RNF43: variants seen among roughly 807,000 people sequenced by gnomAD.
The protein encoded by RNF43 is E3 ubiquitin-protein ligase RNF43.
Under a neutral mutation model 78.4 loss-of-function variants are expected in RNF43, and 37 were observed. The observed-to-expected ratio is 0.47, with a 90% CI of 0.36 to 0.62. RNF43 has a LOEUF of 0.62. RNF43 is among the 20% of genes least tolerant of loss of function. The pLI is 0.00. For synonymous variants in RNF43, 347 were observed against 395.0 expected (o/e 0.88, Z 1.44); for missense variants, 774 against 1,007.9 (o/e 0.77, Z 3.14).
rs1299982837 is a variant in RNF43 at position 58,415,860 on chromosome 17, T to C, written c.-283A>G. 2 of 465,956 alleles carry C rather than the reference T, an allele frequency of 4.3e-6. No individual in the cohort carries two copies. The highest frequency in any genetic ancestry group is 7.7e-6 in the Non-Finnish European group (2 of 258,176). The allele number at this position is 465,956 out of a possible 1,614,324, so 28.9% of individuals were successfully genotyped here. On this transcript the variant is annotated 5_prime_UTR_variant, in exon 2 of 10. Transcript: ENST00000407977. ...ACTAGTAAAGATCTCACCACTTCTC[T>C]TTGGAATTTCCAACTTTGCTTGTGA...
rs748599419 is a variant in RNF43, at chr17:58,357,359, G to A, written c.2308+109C>T. The A allele has an allele frequency of 4.5e-5, 63 of 1,401,680 alleles. No individual in the cohort carries two copies. In the Middle Eastern group the frequency reaches 6.1e-3, roughly 137 times the overall value. 86.8% of individuals were successfully genotyped at this position (1,401,680 alleles called of 1,614,324 possible). On this transcript the variant is annotated intron_variant, in intron 9 of 9. Transcript: ENST00000407977. The surrounding 1 kb of genome is among the most constrained non-coding windows in gnomAD (Gnocchi z 4.5). ...AAGTATTTTGGTTGTCATCTCTGCTGTATCCTTCTCAGCTTCCATCAACCC... is the reference window on the plus strand; with the variant it reads ...AAGTATTTTGGTTGTCATCTCTGCTATATCCTTCTCAGCTTCCATCAACCC...
At position 58,357,582 on chromosome 17, in the gene RNF43, G is replaced by A. The variant is rs775335997; in HGVS notation, c.2194C>T (p.Arg732Cys). The A allele has an allele frequency of 3.2e-5, 51 of 1,613,524 alleles. No homozygotes were observed. Among genetic ancestry groups the A allele is most frequent in the Middle Eastern group, 1.6e-4 (1 of 6,080 alleles). ...GGTGGATGTGGTTCCAGGGGCTGGC[G>A]AGGAGTCAGGCACAACCACACTGGC... ...SQPVWLCLTP[R>C]QPLEPHPPGE... The change falls in exon 9 of 10, where the codon CGC (arginine) becomes TGC (cysteine). Residue 732 changes from arginine (R) to cysteine (C), a missense_variant. Arg to Cys is a radical substitution (Grantham distance 180, BLOSUM62 -3). Coordinates refer to ENST00000407977, the MANE Select transcript of RNF43 (RefSeq NM_017763.6). The surrounding 1 kb of genome is among the most constrained non-coding windows in gnomAD (Gnocchi z 4.5).
chr17:58,354,895 C>T lies in RNF43; in HGVS notation c.*48G>A. On this transcript the variant is annotated 3_prime_UTR_variant, in exon 10 of 10. Transcript: ENST00000407977. ...AGCAGGACTCTGTGCCAGGTAGGGC[C>T]CAAACACATCTGGAGCACACTCTTG... 5 of 1,576,932 alleles carry T rather than the reference C, an allele frequency of 3.2e-6. No individual in the cohort carries two copies. Among genetic ancestry groups the T allele is most frequent in the Non-Finnish European group, 4.4e-6 (5 of 1,146,220 alleles).
intron 2 of RNF43, among the ~76,000 whole-genome samples, chr17:58,385,631 A>T (rs571563890): frequency 6.6e-6 from 1 of 152,294 alleles, no homozygotes; most frequent in South Asian, 2.1e-4. Context: ...CTGTTCAAAT[A>T]CTATCAGTGG....
chr17:58,352,574 C>A, downstream of RNF43: 1 of 219,510 alleles, frequency 4.6e-6, no homozygotes, highest in Non-Finnish European at 9.1e-6. Flanking sequence ...TTTGTCTCCC[C>A]GTTTTAGAAG....
At chr17:58,375,759 G>A (rs895109900) in intron 2 of RNF43, among the ~76,000 whole-genome samples, 1 of 152,034 alleles carries the variant, frequency 6.6e-6, no homozygotes, top group African/African-American at 2.4e-5. Context: ...TTTGAGTTTT[G>A]TTTTTTGCTG....
chr17:58,363,464 CCT>C, intron 4 of RNF43, 58 bp from the exon 5 acceptor site: 1 of 1,613,332 alleles, frequency 6.2e-7, no homozygotes, highest in Non-Finnish European at 8.5e-7. Context: ...TTCCCTCTCC[CCT>C]GAGAGCTTTA....
At position 58,415,683 on chromosome 17, in the gene RNF43, C is replaced by T; in HGVS notation, c.-106G>A. The T allele has an allele frequency of 7.4e-7, 1 of 1,347,590 alleles. No individual in the cohort carries two copies. The highest frequency in any genetic ancestry group is 1.4e-5 in the South Asian group (1 of 73,530). The allele number at this position is 1,347,590 out of a possible 1,614,324, so 83.5% of individuals were successfully genotyped here. On this transcript the variant is annotated 5_prime_UTR_variant, in exon 2 of 10. Coordinates refer to ENST00000407977, the MANE Select transcript of RNF43 (RefSeq NM_017763.6). Reference sequence around the variant, plus strand: ...CAAATGGAGGAAAAGAACATTTATGCTTCCGTTTCAGAAAGCCAAGTCGTA... The same window carrying T: ...CAAATGGAGGAAAAGAACATTTATGTTTCCGTTTCAGAAAGCCAAGTCGTA...
In RNF43 at chr17:58,362,576, G is replaced by A. The variant is rs373068965; in HGVS notation, c.655C>T (p.Arg219Cys). ...CTGTGGCGGGGGCGGCACCGGATGC[G>A]CAGCACCGAAGCCAGGATGATCACA... ...IFVIILASVL[R>C]IRCRPRHSRP... is the part of the protein sequence containing the mutation. Residue 219 changes from arginine (R) to cysteine (C), a missense_variant, in exon 6 of 10, where the codon CGC becomes TGC. By Grantham distance (180) the Arg-to-Cys change is radical (BLOSUM62 -3). Coordinates refer to ENST00000407977, the MANE Select transcript of RNF43 (RefSeq NM_017763.6). The A allele has an allele frequency of 1.9e-4, 304 of 1,610,892 alleles. No homozygotes were observed. The highest frequency in any genetic ancestry group is 3.3e-4 in the Middle Eastern group (2 of 6,044).
rs575801613 is a variant in RNF43, at chr17:58,403,603, C to CT, written c.252+11722dup. On this transcript the variant is annotated intron_variant, in intron 2 of 9. Transcript: ENST00000407977. ...TCAGCAACAGCACGGCGGCCCTTCTCTTTTTTTTTGCCAGCGGAAGTTTTC... is the reference window on the plus strand; with the variant it reads ...TCAGCAACAGCACGGCGGCCCTTCTCTTTTTTTTTTGCCAGCGGAAGTTTTC... 6.6e-5 allele frequency among the ~76,000 whole-genome samples: 10 copies of CT among 151,180 alleles called. No individual in the cohort carries two copies. In the South Asian group the frequency reaches 8.4e-4, roughly 13 times the overall value.
chr17:58,366,174 G>T (rs930130436), intron 3 of RNF43, among the ~76,000 whole-genome samples: 1 of 152,160 alleles, frequency 6.6e-6, no homozygotes, highest in Non-Finnish European at 1.5e-5. Flanking sequence ...AAGCACAAAG[G>T]AATAGAAACG....
chr17:58,416,792 C>T (rs1413302419), intron 1 of RNF43: 1 of 152,078 alleles, frequency 6.6e-6, no homozygotes, highest in Non-Finnish European at 1.5e-5. Flanking sequence ...CGTCTTTGTA[C>T]AAACACAGAA....
intron 2 of RNF43, among the ~76,000 whole-genome samples, chr17:58,405,134 G>A (rs1389955620): frequency 2.2e-5 from 3 of 134,186 alleles, no homozygotes; most frequent in Non-Finnish European, 4.6e-5. Flanking sequence ...CTGGAGTGCA[G>A]TGGCACCATC....
intron 2 of RNF43, among the ~76,000 whole-genome samples, chr17:58,409,625 A>G (rs191861426): frequency 1.3e-5 from 2 of 152,224 alleles, no homozygotes; most frequent in East Asian, 3.9e-4. Flanking sequence ...CTCCCACCTT[A>G]GCCTCTCACG....
intron 2 of RNF43, among the ~76,000 whole-genome samples, chr17:58,377,327 C>A (rs1973223777): frequency 6.6e-6 from 1 of 152,132 alleles, no homozygotes; most frequent in Non-Finnish European, 1.5e-5. Flanking sequence ...AGGGACAAGG[C>A]CTTTTCTGAA....
chr17:58,374,823 C>G (rs1485866376), intron 2 of RNF43, among the ~76,000 whole-genome samples: 1 of 152,128 alleles, frequency 6.6e-6, no homozygotes, highest in Non-Finnish European at 1.5e-5. Flanking sequence ...ATGTCTAACC[C>G]TGGACGTTTC....
intron 2 of RNF43, among the ~76,000 whole-genome samples, chr17:58,377,395 C>A (rs926657394): frequency 1.3e-5 from 2 of 152,254 alleles, no homozygotes; most frequent in South Asian, 2.1e-4. Flanking sequence ...TTCTGCAAGG[C>A]GCATTCTGGG....
chr17:58,405,941 A>G (rs1474468604), intron 2 of RNF43, among the ~76,000 whole-genome samples: 1 of 152,174 alleles, frequency 6.6e-6, no homozygotes, highest in East Asian at 1.9e-4. Context: ...TACAAATAGG[A>G]AAACCACATT....
intron 2 of RNF43, among the ~76,000 whole-genome samples, chr17:58,404,609 A>T (rs540835955): frequency 6.6e-6 from 1 of 152,242 alleles, no homozygotes; most frequent in Non-Finnish European, 1.5e-5. Flanking sequence ...CTCATATCAT[A>T]CTAAAATCAA....
Sources: allele counts gnomAD v4.1 joint callset (sites outside exome capture counted in the v4.1 genomes callset), GRCh38; gene constraint gnomAD v4.1.1; non-coding constraint Gnocchi (gnomAD v3.1); transcripts MANE v1.5; gene names NCBI Gene and HGNC (gene_info 2026-07-23, HGNC 2026-07-21).